ATF1: variants seen among roughly 807,000 people sequenced by gnomAD.
ATF1 encodes activating transcription factor 1, also known as cyclic AMP-dependent transcription factor ATF-1.
In ATF1, 16 loss-of-function variants were observed where a neutral mutation model predicts 34.7. That is an observed-to-expected ratio of 0.46 (90% CI 0.31 to 0.70). The LOEUF is 0.70. Ranked by LOEUF, ATF1 falls within the 30% of genes least tolerant of loss-of-function variation. The pLI is 0.05. For synonymous variants in ATF1, 105 were observed against 113.1 expected, an observed-to-expected ratio of 0.93 and a Z score of 0.46; for missense variants, 255 against 321.6, an observed-to-expected ratio of 0.79 and a Z score of 1.58.
Position 50,780,204 on chromosome 12 carries a change from T to G in ATF1, c.59T>G (p.Val20Gly). Residue 20 changes from valine (V) to glycine (G), a missense_variant, in exon 2 of 7, where the codon GTT (valine) becomes GGT (glycine). Physicochemically the swap from Val to Gly is moderately radical, Grantham distance 109. Around this residue, in one of 2 missense-constraint regions of ATF1, gnomAD observed 221 missense variants for 250.7 expected, o/e 0.88. Transcript: ENST00000262053. ...SETAPQPGSA[V>G]QGAHISHIAQ... Reference sequence around the variant, plus strand: ...ACAGCACCTCAACCTGGTTCAGCAGTTCAGGGAGCTCACATTTCTCATATT... The same window carrying G: ...ACAGCACCTCAACCTGGTTCAGCAGGTCAGGGAGCTCACATTTCTCATATT... The G allele has an allele frequency of 6.2e-7, 1 of 1,613,834 alleles. No individual in the cohort carries two copies. The highest frequency in any genetic ancestry group is 1.1e-5 in the South Asian group (1 of 91,048).
In ATF1 at chr12:50,795,911, A is replaced by G. The variant is rs1320624020; in HGVS notation, c.96A>G (p.Val32=). The G allele has an allele frequency of 5.0e-6, 8 of 1,610,110 alleles. No homozygotes were observed. The highest frequency in any genetic ancestry group is 5.9e-6 in the Non-Finnish European group (7 of 1,177,810). Residue 32 remains valine, a splice_region_variant and synonymous_variant, in exon 3 of 7, where the codon GTA becomes GTG. Coordinates refer to ENST00000262053, the MANE Select transcript of ATF1 (RefSeq NM_005171.5). The part of the protein sequence containing the change: ...GAHISHIAQQ[V]SSLSESEESQ... ...TGTTAATGCCAGTTCTTTTTTAGGT[A>G]TCATCTTTATCAGAAAGTGAGGAGT...
intron 1 of ATF1, among the ~76,000 whole-genome samples, chr12:50,778,379 C>G (rs1260338187): frequency 1.3e-5 from 2 of 151,560 alleles, no homozygotes; most frequent in Non-Finnish European, 2.9e-5. Context: ...GCACCTGCCC[C>G]CGTGCCGAGC....
intron 3 of ATF1, among the ~76,000 whole-genome samples, chr12:50,802,440 G>T (rs769621254): frequency 1.3e-5 from 2 of 152,144 alleles, no homozygotes; most frequent in Non-Finnish European, 2.9e-5. Flanking sequence ...CGGGATAATC[G>T]CTTGAACCTG....
intron 1 of ATF1, among the ~76,000 whole-genome samples, chr12:50,776,185 G>A (rs1046393493): frequency 1.3e-5 from 2 of 151,222 alleles, no homozygotes; most frequent in Non-Finnish European, 3.0e-5. Flanking sequence ...GGTGGCGGGC[G>A]CCTGTAGTCC....
chr12:50,798,112 G>T (rs1464529827), intron 3 of ATF1, among the ~76,000 whole-genome samples: 1 of 151,252 alleles, frequency 6.6e-6, no homozygotes, highest in African/African-American at 2.4e-5. Context: ...TCGTGCCACT[G>T]CACTCCAGCC....
At chr12:50,811,311 A>T (rs1941732736) in intron 4 of ATF1, among the ~76,000 whole-genome samples, 1 of 152,186 alleles carries the variant, frequency 6.6e-6, no homozygotes, top group African/African-American at 2.4e-5. Flanking sequence ...GATTGTATGT[A>T]TGTAATTATA....
At chr12:50,783,843 G>A (rs1282642339) in intron 2 of ATF1, among the ~76,000 whole-genome samples, 3 of 149,170 alleles carry the variant, frequency 2.0e-5, no homozygotes, top group Non-Finnish European at 3.0e-5. Context: ...CTCCAGACTG[G>A]GCGACAGCGC....
chr12:50,806,334 A>G, intron 3 of ATF1: 5 of 479,704 alleles, frequency 1.0e-5, no homozygotes, highest in South Asian at 7.8e-5. Flanking sequence ...GAACTTGTTT[A>G]CTTGGCTGTC....
intron 6 of ATF1, among the ~76,000 whole-genome samples, chr12:50,815,920 G>T (rs2139698875): frequency 6.6e-6 from 1 of 152,286 alleles, no homozygotes; most frequent in Middle Eastern, 3.4e-3. Flanking sequence ...GTCATTTGCA[G>T]CAACATGGAT....
chr12:50,776,129 A>G lies in ATF1; in HGVS notation c.-6-4011A>G, dbSNP rs370362899. Among the ~76,000 whole-genome samples the G allele has an allele frequency of 1.4e-3, 218 of 151,926 alleles. 1 individual carries two copies. Among genetic ancestry groups the G allele is most frequent in the African/African-American group, 1.8e-3 (76 of 41,454 alleles). On this transcript the variant is annotated intron_variant, in intron 1 of 6. Coordinates refer to ENST00000262053, the MANE Select transcript of ATF1 (RefSeq NM_005171.5). ...AGATCAAGACCATCCTGGCTAACAC[A>G]GTGAAACCCCGTCTTTACTAAAAAT...
chr12:50,790,197 ATTTTTTTTTTT>A (rs71086483), intron 2 of ATF1, among the ~76,000 whole-genome samples: 1 of 119,414 alleles, frequency 8.4e-6, no homozygotes, highest in Non-Finnish European at 1.7e-5. Context: ...TGTGGGTTCT[ATTTTTTTTTTT>A]TTTTTTTTTG....
At chr12:50,812,527 A>G (rs1471043199) in intron 4 of ATF1, among the ~76,000 whole-genome samples, 3 of 152,200 alleles carry the variant, frequency 2.0e-5, no homozygotes, top group Non-Finnish European at 4.4e-5. Context: ...ACTAATTGCT[A>G]ATATAACTTC....
intron 2 of ATF1, among the ~76,000 whole-genome samples, chr12:50,790,932 G>GT (rs1242937163): frequency 1.3e-5 from 2 of 152,002 alleles, no homozygotes; most frequent in African/African-American, 2.4e-5. Flanking sequence ...CTAAAATGCT[G>GT]TAAGAAAAGT....
intron 4 of ATF1, among the ~76,000 whole-genome samples, chr12:50,810,587 TTAAGTC>T (rs1238759716): frequency 2.0e-5 from 3 of 152,312 alleles, no homozygotes; most frequent in African/African-American, 4.8e-5. Context: ...TTTGGGGAGT[TTAAGTC>T]TATGAGTTTT....
At position 50,820,043 on chromosome 12, in the gene ATF1, A is replaced by G. The variant is rs1941918835; in HGVS notation, c.*264A>G. Reference sequence around the variant, plus strand: ...GAACTTTCAGCAGTCTAAATTTTCTAAATAACCAATAGTTGCCAATCTAAA... The same window carrying G: ...GAACTTTCAGCAGTCTAAATTTTCTGAATAACCAATAGTTGCCAATCTAAA... On this transcript the variant is annotated 3_prime_UTR_variant, in exon 7 of 7. Coordinates refer to ENST00000262053, the MANE Select transcript of ATF1 (RefSeq NM_005171.5). The G allele has an allele frequency of 3.0e-5, 9 of 299,078 alleles. No homozygotes were observed. The South Asian group carries it at 7.6e-4, about 25-fold the overall frequency. The allele number at this position is 299,078 out of a possible 1,614,324, so 18.5% of individuals were successfully genotyped here.
chr12:50,789,562 A>C (rs1941257314), intron 2 of ATF1, among the ~76,000 whole-genome samples: 1 of 150,684 alleles, frequency 6.6e-6, no homozygotes, highest in African/African-American at 2.4e-5. Flanking sequence ...GTTTGAGACC[A>C]GCCTGGCCAA....
chr12:50,766,954 C>T (rs1389491081), intron 1 of ATF1, among the ~76,000 whole-genome samples: 1 of 152,158 alleles, frequency 6.6e-6, no homozygotes, highest in Non-Finnish European at 1.5e-5. Flanking sequence ...CAAATTTAAG[C>T]CTTGCTAGTT....
At chr12:50,775,049 CT>C (rs1360774489) in intron 1 of ATF1, among the ~76,000 whole-genome samples, 15 of 151,304 alleles carry the variant, frequency 9.9e-5, no homozygotes, top group Non-Finnish European at 2.1e-4. Flanking sequence ...TGGCCAAGAG[CT>C]TTATTTGATA....
chr12:50,798,491 A>G (rs1941453956), intron 3 of ATF1, among the ~76,000 whole-genome samples: 2 of 151,954 alleles, frequency 1.3e-5, no homozygotes, highest in African/African-American at 4.8e-5. Context: ...TGTATTTTTT[A>G]GTAGAGACGG....
Sources: allele counts gnomAD v4.1 joint callset (sites outside exome capture counted in the v4.1 genomes callset), GRCh38; gene constraint gnomAD v4.1.1; regional missense constraint gnomAD v4.1.1; transcripts MANE v1.5; gene names NCBI Gene and HGNC (gene_info 2026-07-23, HGNC 2026-07-21).